The following PRELID2 variants were observed in gnomAD, a reference collection of about 807,000 sequenced individuals.
PRELID2 encodes PRELI domain containing 2.
PRELID2 carries 25 observed loss-of-function variants against 28.4 expected under a neutral mutation model. The observed-to-expected ratio is 0.88, with a 90% CI of 0.64 to 1.23. PRELID2 has a LOEUF of 1.23. Among genes scored for constraint, PRELID2 ranks in the 50% most tolerant of loss-of-function variants. The pLI is 0.00. For missense variants in PRELID2, 201 were observed against 214.4 expected (o/e 0.94, Z 0.39); for synonymous variants, 76 against 71.6 (o/e 1.06, Z -0.31).
chr5:145,258,316 T>A, the PRELID2 span, among the ~76,000 whole-genome samples: 4 of 151,474 alleles, frequency 2.6e-5, no homozygotes, highest in East Asian at 5.8e-4. Flanking sequence ...GTTAGAAGAG[T>A]TTGGTGGGTT....
the PRELID2 span, among the ~76,000 whole-genome samples, chr5:145,256,975 A>T: frequency 6.6e-6 from 1 of 152,074 alleles, no homozygotes; most frequent in South Asian, 2.1e-4. Context: ...GTACTACATG[A>T]AGTGTTTTTA....
At chr5:145,264,842 T>C in the PRELID2 span, among the ~76,000 whole-genome samples, 1 of 151,478 alleles carries the variant, frequency 6.6e-6, no homozygotes, top group Admixed American at 6.6e-5. Flanking sequence ...GGCATGGTGG[T>C]GGGCGGCTAT....
the PRELID2 span, among the ~76,000 whole-genome samples, chr5:145,375,663 C>A: frequency 2.6e-5 from 4 of 152,180 alleles, no homozygotes; most frequent in Non-Finnish European, 4.4e-5. Context: ...TGTCCCTGAG[C>A]CTCTAGCTGG....
At chr5:145,805,131 T>C (rs1423720148) in intron 4 of PRELID2, among the ~76,000 whole-genome samples, 1 of 152,192 alleles carries the variant, frequency 6.6e-6, no homozygotes, top group South Asian at 2.1e-4. Context: ...TTAACTGGCA[T>C]CTGTGTTTCC....
intron 1 of PRELID2, among the ~76,000 whole-genome samples, chr5:145,740,139 G>GTA (rs1756615312): frequency 6.7e-6 from 1 of 149,186 alleles, no homozygotes; most frequent in Non-Finnish European, 1.5e-5. Context: ...AAAGATTTAA[G>GTA]TATATATATC....
chr5:145,814,728 T>A (rs1754182030), intron 4 of PRELID2, among the ~76,000 whole-genome samples: 2 of 152,068 alleles, frequency 1.3e-5, no homozygotes, highest in Admixed American at 1.3e-4. Flanking sequence ...AAACAGATAA[T>A]TATCCAGTTC....
chr5:145,454,957 T>C, the PRELID2 span, among the ~76,000 whole-genome samples: 3 of 152,344 alleles, frequency 2.0e-5, no homozygotes, highest in African/African-American at 7.2e-5. Flanking sequence ...ATAGTTTCTT[T>C]TGCTGTGCAG....
intron 1 of PRELID2, among the ~76,000 whole-genome samples, chr5:145,675,703 G>A (rs755492877): frequency 4.3e-4 from 65 of 152,180 alleles, no homozygotes; most frequent in Non-Finnish European, 8.5e-4. Context: ...CAGCCTAGAA[G>A]TTGAGAGTGG....
rs1035143302 is a variant in PRELID2, at chr5:145,492,776, G to A, written n.71-19461C>T. ...GGGCTGTCCAGAATCTAGGGCTGCT[G>A]TTGTCGGCCCAGAAGTGGTGCAGGC... is the stretch of plus-strand genomic sequence containing the variant. On this transcript the variant is annotated intron_variant and non_coding_transcript_variant, in intron 1 of 2. Transcript: ENST00000510259. Among the ~76,000 whole-genome samples, 70 of 141,190 alleles carry A rather than the reference G, an allele frequency of 5.0e-4. 2 individuals are homozygous for A. Among genetic ancestry groups the A allele is most frequent in the African/African-American group, 1.7e-3 (69 of 40,082 alleles). 92.6% of individuals were successfully genotyped at this position (141,190 alleles called of 152,430 possible). A position where few individuals can be genotyped will look rare whatever the true frequency, so the allele number is the denominator to read the frequency against.
At chr5:145,660,625 C>A (rs973047656) in intron 1 of PRELID2, among the ~76,000 whole-genome samples, 8 of 152,124 alleles carry the variant, frequency 5.3e-5, no homozygotes, top group South Asian at 2.1e-4. Context: ...AAGCATCAGG[C>A]CTATTGGTGC....
chr5:145,385,434 T>G, the PRELID2 span, among the ~76,000 whole-genome samples: 1 of 152,176 alleles, frequency 6.6e-6, no homozygotes, highest in African/African-American at 2.4e-5. Flanking sequence ...GAAGTGCCGC[T>G]CAGATGGTGT....
At chr5:145,596,099 CAAAAAAAA>C (rs552746530) in intron 1 of PRELID2, among the ~76,000 whole-genome samples, 1 of 43,984 alleles carries the variant, frequency 2.3e-5, no homozygotes, top group African/African-American at 9.6e-5. Context: ...GAGCCTGTCT[CAAAAAAAA>C]AAAAAAAAAA....
chr5:145,696,688 T>G (rs1350224084), intron 1 of PRELID2, among the ~76,000 whole-genome samples: 2 of 151,942 alleles, frequency 1.3e-5, no homozygotes, highest in African/African-American at 4.8e-5. Flanking sequence ...GGTTTGGAAC[T>G]CTTGAGCTCA....
the PRELID2 span, among the ~76,000 whole-genome samples, chr5:145,290,250 G>A: frequency 6.6e-6 from 1 of 152,078 alleles, no homozygotes; most frequent in Non-Finnish European, 1.5e-5. Flanking sequence ...CCATTACTGA[G>A]TATACACCCA....
At chr5:145,550,973 T>A (rs766884795) in intron 1 of PRELID2, among the ~76,000 whole-genome samples, 20 of 152,244 alleles carry the variant, frequency 1.3e-4, no homozygotes, top group Non-Finnish European at 2.2e-4. Flanking sequence ...TACATAACTC[T>A]ACATTCTTCC....
At chr5:145,525,482 C>G (rs1355479674) in intron 1 of PRELID2, among the ~76,000 whole-genome samples, 1 of 152,170 alleles carries the variant, frequency 6.6e-6, no homozygotes, top group African/African-American at 2.4e-5. Context: ...TGATTCACCT[C>G]ATCTCTTCAC....
the PRELID2 span, among the ~76,000 whole-genome samples, chr5:145,293,214 GT>G: frequency 6.6e-6 from 1 of 152,072 alleles, no homozygotes; most frequent in African/African-American, 2.4e-5. Flanking sequence ...CATCTGTATT[GT>G]CCCCACATAC....
intron 1 of PRELID2, among the ~76,000 whole-genome samples, chr5:145,525,551 G>T (rs1752599552): frequency 6.6e-6 from 1 of 152,168 alleles, no homozygotes; most frequent in South Asian, 2.1e-4. Context: ...TCTTGGACTT[G>T]ATTGCACAGT....
At position 145,819,440 on chromosome 5, in the gene PRELID2, A is replaced by G. The variant is rs1339839623; in HGVS notation, c.207+505T>C. ...CTTCAAAGAGAGAAAACAATTTGCT[A>G]TCATGAAGATTTCATCATCAATGAT... On this transcript the variant is annotated intron_variant, in intron 3 of 6. Coordinates refer to ENST00000683046, the MANE Select transcript of PRELID2 (RefSeq NM_205846.3). The G allele has an allele frequency of 3.3e-6, 5 of 1,516,946 alleles. No individual in the cohort carries two copies. The African/African-American group carries it at 4.1e-5, about 13-fold the overall frequency. 94.0% of individuals were successfully genotyped at this position (1,516,946 alleles called of 1,614,324 possible).
Sources: gnomAD v4.1 joint callset for allele counts (sites outside exome capture counted in the v4.1 genomes callset) on GRCh38, gnomAD v4.1.1 for gene constraint, MANE v1.5 for transcripts, NCBI Gene and HGNC (gene_info 2026-07-23, HGNC 2026-07-21) for gene names.